DPRX: variants seen among roughly 807,000 people sequenced by gnomAD.
DPRX encodes divergent paired-related homeobox.
DPRX carries 11 observed loss-of-function variants against 8.4 expected under a neutral mutation model. The ratio of observed to expected loss-of-function variants is 1.31; its 90% confidence interval spans 0.82 to 2.17. DPRX has a LOEUF of 2.17. Among genes scored for constraint, DPRX ranks in the 30% most tolerant of loss-of-function variants. DPRX has a pLI of 0.00. For synonymous variants in DPRX, 72 were observed against 87.0 expected, an observed-to-expected ratio of 0.83 and a Z score of 0.96; for missense variants, 211 against 236.7, an observed-to-expected ratio of 0.89 and a Z score of 0.71.
chr19:53,608,882 G>A, the DPRX span, among the ~76,000 whole-genome samples: 1 of 148,708 alleles, frequency 6.7e-6, no homozygotes, highest in Non-Finnish European at 1.5e-5. Context: ...GTGAAGCTGG[G>A]AGGCAGAGGT....
the DPRX span, among the ~76,000 whole-genome samples, chr19:53,605,207 T>A: frequency 0.04 from 6,026 of 152,074 alleles, 397 homozygotes; most frequent in African/African-American, 0.14. Flanking sequence ...AAGAGTGAGA[T>A]CCTGTCTCAA....
At chr19:53,625,575 T>G in the DPRX span, among the ~76,000 whole-genome samples, 1 of 151,950 alleles carries the variant, frequency 6.6e-6, no homozygotes, top group African/African-American at 2.4e-5. Flanking sequence ...TTCTCTGTGG[T>G]GAGCACTCCC....
the DPRX span, among the ~76,000 whole-genome samples, chr19:53,624,462 GC>G: frequency 3.0e-3 from 453 of 151,880 alleles, 1 homozygote; most frequent in Middle Eastern, 0.01. Context: ...GAGTGCAGTG[GC>G]TTGATCTTGG....
At chr19:53,603,506 C>T in the DPRX span, 2 of 419,136 alleles carry the variant, frequency 4.8e-6, no homozygotes, top group Admixed American at 2.6e-5. Context: ...CTACTTCCTC[C>T]TTCGGCTTCT....
the DPRX span, chr19:53,603,575 T>G: frequency 2.8e-6 from 1 of 360,100 alleles, no homozygotes; most frequent in Non-Finnish European, 5.6e-6. Context: ...AGGGCAAGAT[T>G]AACCCAGGTC....
chr19:53,601,697 G>A, the DPRX span, among the ~76,000 whole-genome samples: 8 of 152,036 alleles, frequency 5.3e-5, no homozygotes, highest in Admixed American at 3.9e-4. Context: ...GGTCAGGCTG[G>A]TCCCGAACTC....
At chr19:53,632,913 G>A (rs12461551) in intron 1 of DPRX, among the ~76,000 whole-genome samples, 6,921 of 152,224 alleles carry the variant, frequency 0.045, 370 homozygotes, top group African/African-American at 0.13. Flanking sequence ...ATAGAATATA[G>A]GCTTAGCCAA....
chr19:53,634,700 C>A lies in DPRX; in HGVS notation c.183+15C>A. ...CAGTACTGCAGGTTGGAAAATGATC[C>A]CTCTTCTCACTAAACTGCCTTCCTG... On this transcript the variant is annotated intron_variant, in intron 2 of 2. Transcript: ENST00000376650. 6.2e-7 allele frequency: 1 copy of A among 1,606,742 alleles called. No homozygotes were observed. Among genetic ancestry groups the A allele is most frequent in the Non-Finnish European group, 8.5e-7 (1 of 1,177,532 alleles).
At chr19:53,627,612 C>CT (rs1157696883), upstream of DPRX, among the ~76,000 whole-genome samples, 2 of 150,546 alleles carry the variant, frequency 1.3e-5, no homozygotes, top group South Asian at 2.1e-4. Context: ...AATTTTTGTA[C>CT]TTTTTTAGCA....
the DPRX span, among the ~76,000 whole-genome samples, chr19:53,619,883 C>A: frequency 6.7e-6 from 1 of 149,212 alleles, no homozygotes; most frequent in African/African-American, 2.5e-5. Context: ...GGATAAGTTG[C>A]TGAAGTCTGT....
upstream of DPRX, among the ~76,000 whole-genome samples, chr19:53,629,046 G>A (rs1308241077): frequency 6.6e-6 from 1 of 151,498 alleles, no homozygotes; most frequent in East Asian, 2.0e-4. Flanking sequence ...TGGCGCAGTG[G>A]CTCACACCAG....
the DPRX span, among the ~76,000 whole-genome samples, chr19:53,609,466 C>CAAAAAAAAAAAAAAAAA: frequency 1.8e-5 from 1 of 55,486 alleles, no homozygotes; most frequent in Non-Finnish European, 3.1e-5. Context: ...GACTCGGTCT[C>CAAAAAAAAAAAAAAAAA]AAAAAAAAAA....
chr19:53,601,979 G>A, the DPRX span: 6 of 454,832 alleles, frequency 1.3e-5, no homozygotes, highest in Non-Finnish European at 2.2e-5. Flanking sequence ...GGTGGTGTGG[G>A]GACATAAGGC....
the DPRX span, among the ~76,000 whole-genome samples, chr19:53,621,028 A>G: frequency 6.6e-6 from 1 of 152,216 alleles, no homozygotes. Context: ...GAGACTGAAC[A>G]GTGAGGCTCA....
the DPRX span, among the ~76,000 whole-genome samples, chr19:53,610,974 C>T: frequency 0.067 from 10,212 of 152,106 alleles, 568 homozygotes; most frequent in African/African-American, 0.15. Flanking sequence ...ACCATCTCGG[C>T]TCAATGAAAC....
At chr19:53,609,191 G>T in the DPRX span, among the ~76,000 whole-genome samples, 1 of 151,794 alleles carries the variant, frequency 6.6e-6, no homozygotes, top group South Asian at 2.1e-4. Flanking sequence ...CATATGGCTG[G>T]GTATTGTGGC....
intron 2 of DPRX, 86 bp downstream of exon 2, chr19:53,634,771 C>T: frequency 6.7e-7 from 1 of 1,492,584 alleles, no homozygotes; most frequent in Non-Finnish European, 9.0e-7. Flanking sequence ...CCTGAGGTCT[C>T]ATTCCAATCG....
At chr19:53,605,954 C>G in the DPRX span, among the ~76,000 whole-genome samples, 8 of 152,282 alleles carry the variant, frequency 5.3e-5, no homozygotes, top group African/African-American at 1.7e-4. Context: ...TAGGCGTGAG[C>G]CACTGAGCCT....
At chr19:53,628,782 T>G (rs2091080401), upstream of DPRX, among the ~76,000 whole-genome samples, 2 of 151,100 alleles carry the variant, frequency 1.3e-5, no homozygotes, top group Non-Finnish European at 2.9e-5. Flanking sequence ...AGAGATGAGG[T>G]TTCTCCATGT....
Sources: allele counts gnomAD v4.1 joint callset (sites outside exome capture counted in the v4.1 genomes callset), GRCh38; gene constraint gnomAD v4.1.1; transcripts MANE v1.5; gene names NCBI Gene and HGNC (gene_info 2026-07-23, HGNC 2026-07-21).